The following ACAN variants were observed in gnomAD, a reference collection of about 807,000 sequenced individuals.
ACAN encodes the protein aggrecan.
In ACAN, 47 loss-of-function variants were observed where a neutral mutation model predicts 169.1. The observed-to-expected ratio is 0.28, with a 90% CI of 0.22 to 0.35. The LOEUF (loss-of-function observed/expected upper bound fraction) is 0.35. Ranked by LOEUF, ACAN falls within the 10% of genes least tolerant of loss-of-function variation. The pLI is 1.00. For missense variants in ACAN, 2,716 were observed against 2,759.9 expected (o/e 0.98, Z 0.36); for synonymous variants, 1,115 against 1,112.2 (o/e 1.00, Z -0.05).
rs902298576 is a variant in ACAN, at chr15:88,823,678, C to T, written c.-7-12522C>T. On this transcript the variant is annotated intron_variant, in intron 1 of 18. Transcript: ENST00000560601. The stretch of plus-strand genomic sequence containing the variant: ...CAGCCACCCCATCCTTAGGAAGCAC[C>T]ACTGGCCTTCCTTTCCGGTACCTGG... Among the ~76,000 whole-genome samples the T allele has an allele frequency of 3.9e-5, 6 of 152,082 alleles. No individual in the cohort carries two copies. In the South Asian group the frequency reaches 1.2e-3, roughly 32 times the overall value.
At chr15:88,848,483 G>T (rs1336926496) in intron 9 of ACAN, among the ~76,000 whole-genome samples, 1 of 152,204 alleles carries the variant, frequency 6.6e-6, no homozygotes, top group South Asian at 2.1e-4. Flanking sequence ...TTGAGAGGCA[G>T]AGGTGCCTCA....
intron 11 of ACAN, 76 bp downstream of exon 11, chr15:88,852,109 G>T: frequency 6.7e-7 from 1 of 1,499,716 alleles, no homozygotes. Context: ...CTGGTGGGGC[G>T]GGGGGGTTCC....
At chr15:88,812,412 A>C (rs1895844019) in intron 1 of ACAN, among the ~76,000 whole-genome samples, 1 of 152,124 alleles carries the variant, frequency 6.6e-6, no homozygotes, top group Non-Finnish European at 1.5e-5. Flanking sequence ...TTGCAGAGGC[A>C]TTTAGAAGAC....
chr15:88,818,695 T>A (rs976227043), intron 1 of ACAN, among the ~76,000 whole-genome samples: 2 of 151,784 alleles, frequency 1.3e-5, no homozygotes, highest in African/African-American at 4.8e-5. Context: ...AACATGGGGG[T>A]CTCCAATATG....
chr15:88,829,295 T>C (rs1196313633), intron 1 of ACAN, among the ~76,000 whole-genome samples: 1 of 152,198 alleles, frequency 6.6e-6, no homozygotes, highest in Non-Finnish European at 1.5e-5. Flanking sequence ...GATGCTTGCA[T>C]GATGATCCCA....
chr15:88,862,867 G>A (rs902344617), intron 13 of ACAN, among the ~76,000 whole-genome samples: 17 of 151,932 alleles, frequency 1.1e-4, no homozygotes, highest in African/African-American at 2.2e-4. Context: ...GTGTGGTGGC[G>A]CACCCCTGTA....
chr15:88,820,740 A>T (rs1363750039), intron 1 of ACAN, among the ~76,000 whole-genome samples: 1 of 152,068 alleles, frequency 6.6e-6, no homozygotes, highest in Non-Finnish European at 1.5e-5. Flanking sequence ...TCTGCCCCTC[A>T]TTGAGAAGGG....
intron 4 of ACAN, among the ~76,000 whole-genome samples, chr15:88,840,888 T>C (rs917731906): frequency 6.6e-6 from 1 of 151,948 alleles, no homozygotes; most frequent in East Asian, 1.9e-4. Context: ...CTCATGCCTG[T>C]AATCCCAGCA....
rs1897381918 is a variant in ACAN at position 88,871,593 on chromosome 15, A to G, written c.7219+53A>G. On this transcript the variant is annotated intron_variant, in intron 15 of 18. Transcript: ENST00000560601. The surrounding 1 kb of genome is among the most constrained non-coding windows in gnomAD (Gnocchi z 7.8). Reference sequence around the variant, plus strand: ...GAGAGGAGAGTGGCGGTGTAGGCAAAGGGCCTCACCTTTCAGAAGGCAGCA... The same window carrying G: ...GAGAGGAGAGTGGCGGTGTAGGCAAGGGGCCTCACCTTTCAGAAGGCAGCA... The G allele has an allele frequency of 6.4e-7, 1 of 1,556,200 alleles. No individual in the cohort carries two copies. Among genetic ancestry groups the G allele is most frequent in the East Asian group, 2.3e-5 (1 of 42,996 alleles).
chr15:88,816,253 G>T (rs1895940503), intron 1 of ACAN, among the ~76,000 whole-genome samples: 1 of 152,138 alleles, frequency 6.6e-6, no homozygotes, highest in Non-Finnish European at 1.5e-5. Flanking sequence ...TTAGACATAA[G>T]GTATCTTTTT....
At position 88,855,449 on chromosome 15, in the gene ACAN, GTGGA is replaced by G. The variant is rs1897033143; in HGVS notation, c.2865_2868del (p.Gly956PhefsTer7). The G allele has an allele frequency of 6.2e-7, 1 of 1,613,718 alleles. No individual in the cohort carries two copies. Among genetic ancestry groups the G allele is most frequent in the African/African-American group, 1.3e-5 (1 of 74,886 alleles). On this transcript the variant is annotated frameshift_variant, in exon 12 of 19. Transcript: ENST00000560601. LOFTEE classifies it high-confidence loss of function. ...TCTGCCTCTGGAGTTGGGGATCTCA[GTGGA>G]CTTCCTTCTGGAGAAGTTCTAGAGA...
intron 1 of ACAN, among the ~76,000 whole-genome samples, chr15:88,810,625 C>CAGGAATGT (rs1895797963): frequency 6.6e-6 from 1 of 152,086 alleles, no homozygotes; most frequent in Non-Finnish European, 1.5e-5. Context: ...ATGACTCAGG[C>CAGGAATGT]AGGAATGTAG....
chr15:88,865,433 TCTTTC>T (rs1897264122), intron 13 of ACAN, among the ~76,000 whole-genome samples: 1 of 152,234 alleles, frequency 6.6e-6, no homozygotes, highest in Non-Finnish European at 1.5e-5. Flanking sequence ...GTTCTTTCTT[TCTTTC>T]TTTTCTGTTT....
chr15:88,813,377 G>C (rs1895867346), intron 1 of ACAN, among the ~76,000 whole-genome samples: 1 of 152,160 alleles, frequency 6.6e-6, no homozygotes. Context: ...TAGGAAATCT[G>C]GGACTCAGAA....
At chr15:88,812,276 C>T (rs1261186916) in intron 1 of ACAN, among the ~76,000 whole-genome samples, 1 of 152,136 alleles carries the variant, frequency 6.6e-6, no homozygotes, top group African/African-American at 2.4e-5. Flanking sequence ...GATGCTTCAG[C>T]GGTTGGAAAA....
chr15:88,845,693 C>T lies in ACAN; in HGVS notation c.1240C>T (p.Pro414Ser). The T allele has an allele frequency of 6.2e-7, 1 of 1,614,028 alleles. No individual in the cohort carries two copies. The highest frequency in any genetic ancestry group is 8.5e-7 in the Non-Finnish European group (1 of 1,179,910). Residue 414 changes from proline (P) to serine (S), a missense_variant, in exon 7 of 19, where the codon CCC becomes TCC. Coordinates refer to ENST00000560601, the MANE Select transcript of ACAN (RefSeq NM_001369268.1). ...IFEVSPSPLE[P>S]EEPFTFAPEI... is the part of the protein sequence containing the mutation. ...CGAGGTCTCCCCCAGTCCCCTGGAA[C>T]CCGAGGAGCCCTTCACGTTTGCCCC...
In ACAN at chr15:88,866,127, C is replaced by T. The variant is rs1897276812; in HGVS notation, c.6947-2089C>T. 1.3e-5 allele frequency among the ~76,000 whole-genome samples: 2 copies of T among 152,312 alleles called. No individual in the cohort carries two copies. Among genetic ancestry groups the T allele is most frequent in the Middle Eastern group, 6.8e-3 (2 of 294 alleles). On this transcript the variant is annotated intron_variant, in intron 13 of 18. Transcript: ENST00000560601. The surrounding 1 kb of genome is among the most constrained non-coding windows in gnomAD (Gnocchi z 5.6). The stretch of plus-strand genomic sequence containing the variant: ...CTCCCCCTCACCCCAACTTGGGCAG[C>T]CTGGGAGCAGGTTTTATGCGACCAG...
rs1897407605 is a variant in ACAN at position 88,872,622 on chromosome 15, A to G, written c.7303-259A>G. ...AATCAGCTCATGTACAGAGCCTGTG[A>G]GTCTTGGGGGTTCTGAGCTCCTGAG... On this transcript the variant is annotated intron_variant, in intron 16 of 18. Coordinates refer to ENST00000560601, the MANE Select transcript of ACAN (RefSeq NM_001369268.1). The surrounding 1 kb of genome is among the most constrained non-coding windows in gnomAD (Gnocchi z 5.4). Among the ~76,000 whole-genome samples, 5 of 152,062 alleles carry G rather than the reference A, an allele frequency of 3.3e-5. No individual in the cohort carries two copies. Among genetic ancestry groups the G allele is most frequent in the African/African-American group, 7.2e-5 (3 of 41,404 alleles).
chr15:88,867,342 G>A (rs911737416), intron 13 of ACAN, among the ~76,000 whole-genome samples: 1 of 152,178 alleles, frequency 6.6e-6, no homozygotes, highest in African/African-American at 2.4e-5. Context: ...GCAGAGGATG[G>A]GGATGTGCCT....
Sources: gnomAD v4.1 joint callset for allele counts (sites outside exome capture counted in the v4.1 genomes callset) on GRCh38, gnomAD v4.1.1 for gene constraint, Gnocchi (gnomAD v3.1) non-coding constraint, MANE v1.5 for transcripts, NCBI Gene and HGNC (gene_info 2026-07-23, HGNC 2026-07-21) for gene names.